The following TUBGCP3 variants were observed in gnomAD, a reference collection of about 807,000 sequenced individuals.
The protein encoded by TUBGCP3 is tubulin gamma complex component 3.
In TUBGCP3, 50 loss-of-function variants were observed where a neutral mutation model predicts 123.1. The ratio of observed to expected loss-of-function variants is 0.41; its 90% CI spans 0.32 to 0.51. TUBGCP3 has a LOEUF of 0.51. Ranked by LOEUF, TUBGCP3 falls within the 20% of genes least tolerant of loss-of-function variation. The pLI is 0.36. For synonymous variants in TUBGCP3, 405 were observed against 413.9 expected, an observed-to-expected ratio of 0.98 and a Z score of 0.26; for missense variants, 882 against 1,127.0, an observed-to-expected ratio of 0.78 and a Z score of 3.11.
intron 8 of TUBGCP3, among the ~76,000 whole-genome samples, chr13:112,552,647 TGACGTGACCA>T (rs1879676295): frequency 6.6e-6 from 1 of 152,202 alleles, no homozygotes; most frequent in Non-Finnish European, 1.5e-5. Context: ...CTGGGCAAGA[TGACGTGACCA>T]TTACAGGAGA....
intron 11 of TUBGCP3, among the ~76,000 whole-genome samples, chr13:112,528,357 A>T (rs1032742134): frequency 1.3e-5 from 2 of 152,220 alleles, no homozygotes; most frequent in African/African-American, 2.4e-5. Flanking sequence ...AGCTGTGTAG[A>T]CTGACGCTCC....
At chr13:112,578,557 T>TA (rs1882029434) in intron 1 of TUBGCP3, among the ~76,000 whole-genome samples, 1 of 20,506 alleles carries the variant, frequency 4.9e-5, no homozygotes, top group Non-Finnish European at 8.1e-5. Context: ...AGACTCCGTC[T>TA]CAAAAAAAAA....
intron 17 of TUBGCP3, 94 bp from the exon 18 acceptor site, chr13:112,504,808 C>CA (rs2139004254): frequency 5.0e-6 from 5 of 999,512 alleles, no homozygotes; most frequent in Admixed American, 2.2e-5. Flanking sequence ...TATCTTAAAA[C>CA]AAAAAATCAG....
At chr13:112,498,873 C>A in intron 20 of TUBGCP3, 172 bp downstream of exon 20, 1 of 1,611,112 alleles carries the variant, frequency 6.2e-7, no homozygotes, top group East Asian at 2.2e-5. Context: ...GAGGGTGGCC[C>A]CTCCCTCTTT....
chr13:112,545,577 A>G lies in TUBGCP3; in HGVS notation c.1335+122T>C, dbSNP rs1241893817. 2.8e-5 allele frequency: 31 copies of G among 1,113,368 alleles called. No homozygotes were observed. The highest frequency in any genetic ancestry group is 3.7e-5 in the Non-Finnish European group (28 of 755,946). The allele number at this position is 1,113,368 out of a possible 1,614,324, so 69.0% of individuals were successfully genotyped here. ...CTGTGTAAAATGTATATGGTATTCA[A>G]TGGAAGTGCAGTTGCATTCCTGTTA... On this transcript the variant is annotated intron_variant, in intron 11 of 21. Transcript: ENST00000261965. The surrounding 1 kb of genome is among the most constrained non-coding windows in gnomAD (Gnocchi z 4.1).
chr13:112,524,374 A>C lies in TUBGCP3; in HGVS notation c.1556-1865T>G, dbSNP rs948191215. Among the ~76,000 whole-genome samples, 3 of 152,186 alleles carry C rather than the reference A, an allele frequency of 2.0e-5. No individual in the cohort carries two copies. Among genetic ancestry groups the C allele is most frequent in the Admixed American group, 6.5e-5 (1 of 15,286 alleles). On this transcript the variant is annotated intron_variant, in intron 13 of 21. Coordinates refer to ENST00000261965, the MANE Select transcript of TUBGCP3 (RefSeq NM_006322.6). This position sits in a 1 kb window ranked among gnomAD's most constrained non-coding sequence, Gnocchi z 4.4. ...ACAGGGGCCGCCAGCAGCACAGCAG[A>C]CGCGGTGCTCACACAAGCAGCAGCA...
intron 19 of TUBGCP3, among the ~76,000 whole-genome samples, chr13:112,501,303 T>C (rs539231621): frequency 7.5e-4 from 114 of 152,372 alleles, no homozygotes; most frequent in Non-Finnish European, 1.3e-3. Flanking sequence ...AATTTGTTTC[T>C]TTATGTAGTC....
At chr13:112,554,018 G>A (rs539906736) in intron 8 of TUBGCP3, 39 bp downstream of exon 8, 3 of 1,595,992 alleles carry the variant, frequency 1.9e-6, no homozygotes, top group Non-Finnish European at 2.6e-6. Flanking sequence ...GTTTCCCAAA[G>A]TGCGCAGCAT....
chr13:112,539,247 C>A (rs1341438241), intron 11 of TUBGCP3, among the ~76,000 whole-genome samples: 1 of 151,988 alleles, frequency 6.6e-6, no homozygotes, highest in Non-Finnish European at 1.5e-5. Flanking sequence ...AAGGGAAGGC[C>A]CAGAGAGGTG....
intron 17 of TUBGCP3, among the ~76,000 whole-genome samples, chr13:112,510,885 CTT>C (rs1328434623): frequency 6.6e-6 from 1 of 152,130 alleles, no homozygotes; most frequent in Non-Finnish European, 1.5e-5. Context: ...ATCCAAAAGA[CTT>C]TTGTTAAGGA....
intron 1 of TUBGCP3, among the ~76,000 whole-genome samples, chr13:112,578,058 G>T (rs985517381): frequency 1.3e-5 from 2 of 152,134 alleles, no homozygotes; most frequent in Non-Finnish European, 2.9e-5. Context: ...CATGTCCGGG[G>T]TCCAGGGTCT....
At chr13:112,563,589 C>T (rs1488229909) in intron 3 of TUBGCP3, among the ~76,000 whole-genome samples, 2 of 151,782 alleles carry the variant, frequency 1.3e-5, no homozygotes, top group East Asian at 3.9e-4. Flanking sequence ...TAGGGCCAGG[C>T]GCGGTGGCTC....
chr13:112,503,191 A>G (rs1340552756), intron 19 of TUBGCP3, among the ~76,000 whole-genome samples: 1 of 152,194 alleles, frequency 6.6e-6, no homozygotes, highest in Non-Finnish European at 1.5e-5. Flanking sequence ...CCTACTTCAC[A>G]ATATATTTGC....
chr13:112,587,587 G>A (rs1315319244), intron 1 of TUBGCP3, among the ~76,000 whole-genome samples: 1 of 152,240 alleles, frequency 6.6e-6, no homozygotes, highest in African/African-American at 2.4e-5. Context: ...CGCGAGCGGA[G>A]TGAGCGGTGA....
intron 20 of TUBGCP3, 133 bp downstream of exon 20, chr13:112,498,912 A>G (rs1177876353): frequency 1.2e-6 from 2 of 1,613,930 alleles, no homozygotes; most frequent in Non-Finnish European, 1.7e-6. Context: ...TCGGGACTTC[A>G]AACGCAGTAT....
rs573490036 is a variant in TUBGCP3 at position 112,496,403 on chromosome 13, C to T, written c.2448+2642G>A. Among the ~76,000 whole-genome samples the T allele has an allele frequency of 2.3e-4, 35 of 152,342 alleles. No homozygotes were observed. In the South Asian group the frequency reaches 7.0e-3, roughly 31 times the overall value. On this transcript the variant is annotated intron_variant, in intron 20 of 21. Transcript: ENST00000261965. Reference sequence around the variant, plus strand: ...TCGGTCCCAGCACACACCCAGGGCTCTGTCATCTTTCCAGGAGGCGACTTG... The same window carrying T: ...TCGGTCCCAGCACACACCCAGGGCTTTGTCATCTTTCCAGGAGGCGACTTG...
At position 112,524,348 on chromosome 13, in the gene TUBGCP3, T is replaced by C. The variant is rs1876873819; in HGVS notation, c.1556-1839A>G. ...GAATCTGCAGATGTGGGGCGGTGGGTACAGGGGCCGCCAGCAGCACAGCAG... is the reference window on the plus strand; with the variant it reads ...GAATCTGCAGATGTGGGGCGGTGGGCACAGGGGCCGCCAGCAGCACAGCAG... On this transcript the variant is annotated intron_variant, in intron 13 of 21. Transcript: ENST00000261965. This position sits in a 1 kb window ranked among gnomAD's most constrained non-coding sequence, Gnocchi z 4.4. 6.6e-6 allele frequency among the ~76,000 whole-genome samples: 1 copy of C among 152,092 alleles called. No homozygotes were observed. The highest frequency in any genetic ancestry group is 2.1e-4 in the South Asian group (1 of 4,834).
At chr13:112,539,078 C>A (rs921915746) in intron 11 of TUBGCP3, among the ~76,000 whole-genome samples, 1 of 152,220 alleles carries the variant, frequency 6.6e-6, no homozygotes, top group African/African-American at 2.4e-5. Flanking sequence ...ACAAAGCCCA[C>A]AGACATCTTA....
At chr13:112,566,349 A>C (rs962752452) in intron 2 of TUBGCP3, among the ~76,000 whole-genome samples, 1 of 152,240 alleles carries the variant, frequency 6.6e-6, no homozygotes, top group Non-Finnish European at 1.5e-5. Context: ...CCATTTTAGT[A>C]GTATGACTTT....
Sources: gnomAD v4.1 joint callset for allele counts (sites outside exome capture counted in the v4.1 genomes callset) on GRCh38, gnomAD v4.1.1 for gene constraint, Gnocchi (gnomAD v3.1) non-coding constraint, MANE v1.5 for transcripts, NCBI Gene and HGNC (gene_info 2026-07-23, HGNC 2026-07-21) for gene names.